The following NEK7 variants were observed in gnomAD, a reference collection of about 807,000 sequenced individuals.
NEK7 encodes the protein NIMA related kinase 7.
In NEK7, 18 loss-of-function variants were observed where a neutral mutation model predicts 44.6. The observed-to-expected ratio is 0.40, with a 90% CI of 0.28 to 0.60. The LOEUF is 0.60. NEK7 is among the 20% of genes least tolerant of loss of function. NEK7 has a pLI of 0.38. For synonymous variants in NEK7, 130 were observed against 121.1 expected (o/e 1.07, Z -0.48); for missense variants, 256 against 366.5 (o/e 0.70, Z 2.46).
At chr1:198,198,084 G>C in intron 1 of NEK7, 1 of 1,413,480 alleles carries the variant, frequency 7.1e-7, no homozygotes, top group Non-Finnish European at 9.5e-7. Flanking sequence ...TGGGGAAAGG[G>C]TGGATTGATA....
intron 9 of NEK7, among the ~76,000 whole-genome samples, chr1:198,303,423 G>A (rs1040348408): frequency 6.6e-6 from 1 of 151,584 alleles, no homozygotes; most frequent in African/African-American, 2.4e-5. Flanking sequence ...TTTTAAGGGA[G>A]TTAAGTCAGT....
chr1:198,176,444 A>G (rs1052912499), intron 1 of NEK7, among the ~76,000 whole-genome samples: 8 of 152,182 alleles, frequency 5.3e-5, no homozygotes, highest in African/African-American at 1.7e-4. Context: ...TGGAGGAAGT[A>G]TAAGTGGTTC....
chr1:198,213,819 T>G (rs1052424901), intron 1 of NEK7, among the ~76,000 whole-genome samples: 1 of 152,162 alleles, frequency 6.6e-6, no homozygotes, highest in Admixed American at 6.5e-5. Flanking sequence ...CATTGGGATA[T>G]TGCATTTATC....
chr1:198,309,809 T>A (rs1655121593), intron 9 of NEK7, among the ~76,000 whole-genome samples: 1 of 152,222 alleles, frequency 6.6e-6, no homozygotes, highest in South Asian at 2.1e-4. Context: ...TTCCATGGTG[T>A]ATATGTGCCA....
chr1:198,277,542 A>G (rs1654053779), intron 5 of NEK7, among the ~76,000 whole-genome samples: 2 of 151,872 alleles, frequency 1.3e-5, no homozygotes, highest in Non-Finnish European at 1.5e-5. Context: ...GGGTGGTTCA[A>G]TATTTAAAAG....
chr1:198,235,451 T>G (rs1407210354), intron 2 of NEK7, among the ~76,000 whole-genome samples: 2 of 152,152 alleles, frequency 1.3e-5, no homozygotes, highest in East Asian at 1.9e-4. Context: ...ATATTTTGAC[T>G]AGATTCTTGT....
chr1:198,225,963 G>C (rs532808825), intron 1 of NEK7, among the ~76,000 whole-genome samples: 36 of 152,130 alleles, frequency 2.4e-4, no homozygotes, highest in African/African-American at 8.7e-4. Flanking sequence ...ATGCGTACAT[G>C]CATTCATTCA....
At chr1:198,284,965 C>G (rs953770158) in intron 7 of NEK7, among the ~76,000 whole-genome samples, 11 of 152,058 alleles carry the variant, frequency 7.2e-5, no homozygotes, top group African/African-American at 2.7e-4. Flanking sequence ...TCCTCTGTTC[C>G]TCAGTGTTGT....
At chr1:198,167,784 T>C (rs1166179842) in intron 1 of NEK7, among the ~76,000 whole-genome samples, 1 of 152,194 alleles carries the variant, frequency 6.6e-6, no homozygotes, top group East Asian at 1.9e-4. Context: ...CTTTTCTGTC[T>C]TGCATGTCTG....
At chr1:198,190,153 C>G (rs890163914) in intron 1 of NEK7, among the ~76,000 whole-genome samples, 10 of 152,150 alleles carry the variant, frequency 6.6e-5, no homozygotes, top group Non-Finnish European at 1.3e-4. Flanking sequence ...AAAATTACCC[C>G]ATTTTATCTC....
At chr1:198,267,869 A>G (rs1214952049) in intron 5 of NEK7, among the ~76,000 whole-genome samples, 3 of 150,874 alleles carry the variant, frequency 2.0e-5, no homozygotes, top group African/African-American at 4.9e-5. Context: ...TCAGACACTT[A>G]CTCCTGACCC....
intron 9 of NEK7, among the ~76,000 whole-genome samples, chr1:198,308,710 T>C (rs1212350168): frequency 1.3e-5 from 2 of 152,222 alleles, no homozygotes; most frequent in South Asian, 2.1e-4. Context: ...ATCTTTCTTT[T>C]CTTTGACCTC....
At chr1:198,237,289 T>C (rs372378553) in intron 2 of NEK7, among the ~76,000 whole-genome samples, 2 of 152,300 alleles carry the variant, frequency 1.3e-5, no homozygotes, top group East Asian at 3.9e-4. Context: ...CATGATTCTA[T>C]GCTGGTGACT....
intron 1 of NEK7, among the ~76,000 whole-genome samples, chr1:198,187,388 T>C (rs915667617): frequency 3.5e-4 from 54 of 152,142 alleles, no homozygotes; most frequent in African/African-American, 1.3e-3. Context: ...TGGGCCCTCA[T>C]GTGAGTCAGC....
At chr1:198,309,893 G>A (rs1485456229) in intron 9 of NEK7, among the ~76,000 whole-genome samples, 4 of 152,184 alleles carry the variant, frequency 2.6e-5, no homozygotes, top group Non-Finnish European at 4.4e-5. Context: ...GAATAATGCC[G>A]CAATAAACAT....
chr1:198,171,893 A>G (rs1223648076), intron 1 of NEK7, among the ~76,000 whole-genome samples: 3 of 152,248 alleles, frequency 2.0e-5, no homozygotes, highest in Non-Finnish European at 4.4e-5. Context: ...TGACCCTGAC[A>G]GCTTGCTTGG....
chr1:198,218,182 G>C (rs961686902), intron 1 of NEK7, among the ~76,000 whole-genome samples: 2 of 151,920 alleles, frequency 1.3e-5, no homozygotes, highest in Non-Finnish European at 2.9e-5. Flanking sequence ...CTACAAGGCT[G>C]TAGTAATCCA....
chr1:198,215,645 A>C (rs1256570848), intron 1 of NEK7, among the ~76,000 whole-genome samples: 1 of 152,136 alleles, frequency 6.6e-6, no homozygotes, highest in Non-Finnish European at 1.5e-5. Flanking sequence ...AAGCCAAATA[A>C]GTATTGATTT....
intron 3 of NEK7, among the ~76,000 whole-genome samples, chr1:198,259,611 T>C (rs1343428220): frequency 2.0e-5 from 3 of 152,156 alleles, no homozygotes; most frequent in Non-Finnish European, 4.4e-5. Flanking sequence ...TGATTTAAAG[T>C]GCAAGTAGTC....
Sources: gnomAD v4.1 joint callset for allele counts (sites outside exome capture counted in the v4.1 genomes callset) on GRCh38, gnomAD v4.1.1 for gene constraint, MANE v1.5 for transcripts, NCBI Gene and HGNC (gene_info 2026-07-23, HGNC 2026-07-21) for gene names.